The following SRP14 variants were observed in gnomAD, a reference collection of about 807,000 sequenced individuals.
SRP14 encodes signal recognition particle 14, also known as signal recognition particle 14 kDa protein.
A neutral mutation model predicts 16.0 loss-of-function variants in SRP14; 1 was observed. That is an observed-to-expected ratio of 0.06 (90% CI 0.02 to 0.30). The LOEUF (loss-of-function observed/expected upper bound fraction) is 0.30. Ranked by LOEUF, SRP14 falls within the 10% of genes least tolerant of loss-of-function variation. The pLI is 1.00. For missense variants in SRP14, 120 were observed against 163.1 expected (o/e 0.74, Z 1.44); for synonymous variants, 67 against 60.1 (o/e 1.12, Z -0.53).
intron 3 of SRP14, chr15:40,037,278 G>GAAAA: frequency 5.2e-6 from 1 of 193,364 alleles, no homozygotes; most frequent in Non-Finnish European, 6.7e-6. Context: ...CTCCTTTTGG[G>GAAAA]GAAAAAAAAA....
rs771442069 is a variant in SRP14, at chr15:40,039,131, C to A, written c.-15G>T. On this transcript the variant is annotated 5_prime_UTR_variant, in exon 1 of 5. Transcript: ENST00000267884. ...AACAACACCATCGCGGCGACGCTGGCTCGACTCCCTCCGCTTAAGCCCCTA... is the reference window on the plus strand; with the variant it reads ...AACAACACCATCGCGGCGACGCTGGATCGACTCCCTCCGCTTAAGCCCCTA... 17 of 1,608,890 alleles carry A rather than the reference C, an allele frequency of 1.1e-5. No individual in the cohort carries two copies. The highest frequency in any genetic ancestry group is 1.7e-5 in the Admixed American group (1 of 59,624).
Position 40,039,149 on chromosome 15 carries a change from AG to A in SRP14, c.-34del. 1 of 1,602,648 alleles carries A rather than the reference AG, an allele frequency of 6.2e-7. No individual in the cohort carries two copies. The highest frequency in any genetic ancestry group is 8.5e-7 in the Non-Finnish European group (1 of 1,176,394). The stretch of plus-strand genomic sequence containing the variant: ...ACGCTGGCTCGACTCCCTCCGCTTA[AG>A]CCCCTAGCAGTGAGAGCCGGAAGTT... On this transcript the variant is annotated 5_prime_UTR_variant, in exon 1 of 5. Coordinates refer to ENST00000267884, the MANE Select transcript of SRP14 (RefSeq NM_003134.6).
Position 40,036,205 on chromosome 15 carries a change from C to A in SRP14, c.*128G>T. The A allele has an allele frequency of 1.3e-5, 19 of 1,484,032 alleles. No homozygotes were observed. The highest frequency in any genetic ancestry group is 1.7e-5 in the Non-Finnish European group (19 of 1,096,780). The allele number at this position is 1,484,032 out of a possible 1,614,324, so 91.9% of individuals were successfully genotyped here. On this transcript the variant is annotated 3_prime_UTR_variant, in exon 5 of 5. Coordinates refer to ENST00000267884, the MANE Select transcript of SRP14 (RefSeq NM_003134.6). ...CTATCCTATAAACACTGCAACTATT[C>A]TTTCCAAAAGGACCCTAATCTTATG...
At chr15:40,037,459 T>A in intron 3 of SRP14, 2 of 759,304 alleles carry the variant, frequency 2.6e-6, no homozygotes, top group Non-Finnish European at 3.6e-6. Flanking sequence ...TGCCTTCCAT[T>A]AATTCAAGCA....
Position 40,036,359 on chromosome 15 carries a change from T to TTGC in SRP14, c.382_384dup (p.Ala128dup). ...TACTGTGCTGCTGTTGCTGCTGTTG[T>TTGC]TGCTGCTGTTGTTGGTGCTGTTGCT... On this transcript the variant is annotated inframe_insertion, in exon 5 of 5. Transcript: ENST00000267884. 1.2e-6 allele frequency: 2 copies of TTGC among 1,611,968 alleles called. No homozygotes were observed. The highest frequency in any genetic ancestry group is 2.2e-5 in the South Asian group (2 of 90,596).
At chr15:40,039,053 G>A (rs529707932) in intron 1 of SRP14, 40 bp downstream of exon 1, 2 of 1,607,860 alleles carry the variant, frequency 1.2e-6, no homozygotes, top group Admixed American at 1.7e-5. Flanking sequence ...AGTAACGCCT[G>A]AGCCGCCCCC....
chr15:40,038,080 C>A (rs1250602513), intron 3 of SRP14, among the ~76,000 whole-genome samples: 1 of 152,224 alleles, frequency 6.6e-6, no homozygotes, highest in Non-Finnish European at 1.5e-5. Flanking sequence ...AGAGCTTTAG[C>A]AGAACTAACG....
In SRP14 at chr15:40,039,023, T is replaced by G. The variant is rs2035677276; in HGVS notation, c.24+70A>C. On this transcript the variant is annotated intron_variant, in intron 1 of 4. Coordinates refer to ENST00000267884, the MANE Select transcript of SRP14 (RefSeq NM_003134.6). The stretch of plus-strand genomic sequence containing the variant: ...TGCCGCGTCAAGGCCCTGGTCCTCC[T>G]GCAGGAGGCACAGGTCTCGAGTAAC... 3 of 1,606,214 alleles carry G rather than the reference T, an allele frequency of 1.9e-6. No homozygotes were observed. In the East Asian group the frequency reaches 6.8e-5, roughly 36 times the overall value.
rs1295327989 is a variant in SRP14 at position 40,035,736 on chromosome 15, A to G, written c.*597T>C. 1 of 152,366 alleles carries G rather than the reference A, an allele frequency of 6.6e-6. No homozygotes were observed. Among genetic ancestry groups the G allele is most frequent in the Non-Finnish European group, 1.5e-5 (1 of 68,162 alleles). The allele number at this position is 152,366 out of a possible 1,614,324, so 9.4% of individuals were successfully genotyped here. ...AAAGGGCATAAAGAAACCAAAAATC[A>G]TAATTACTTTGGAACCTTTATTCTT... On this transcript the variant is annotated 3_prime_UTR_variant, in exon 5 of 5. Coordinates refer to ENST00000267884, the MANE Select transcript of SRP14 (RefSeq NM_003134.6).
At position 40,037,112 on chromosome 15, in the gene SRP14, A is replaced by G. The variant is rs947194194; in HGVS notation, c.211-94T>C. The G allele has an allele frequency of 4.9e-6, 7 of 1,419,158 alleles. No homozygotes were observed. The African/African-American group carries it at 8.7e-5, about 18-fold the overall frequency. The allele number at this position is 1,419,158 out of a possible 1,614,324, so 87.9% of individuals were successfully genotyped here. On this transcript the variant is annotated intron_variant, in intron 3 of 4. Coordinates refer to ENST00000267884, the MANE Select transcript of SRP14 (RefSeq NM_003134.6). Reference sequence around the variant, plus strand: ...GTATCTCAAAAGCCTCCGGAAGACAATATCCTTATCTTTAAAATACTTCTC... The same window carrying G: ...GTATCTCAAAAGCCTCCGGAAGACAGTATCCTTATCTTTAAAATACTTCTC...
chr15:40,038,937 C>T lies in SRP14; in HGVS notation c.36G>A (p.Glu12=). ...GGCACTTCTGGAAAAGTCTGGTCAG[C>T]TCCGTCAGGAACTGGAAAACAACAG... The part of the protein sequence containing the change: ...VLLESEQFLT[E]LTRLFQKCRT... The change falls in exon 2 of 5, where the codon GAG becomes GAA. Residue 12 remains glutamate (E), a synonymous_variant. Coordinates refer to ENST00000267884, the MANE Select transcript of SRP14 (RefSeq NM_003134.6). 6.2e-7 allele frequency: 1 copy of T among 1,612,848 alleles called. No individual in the cohort carries two copies. The highest frequency in any genetic ancestry group is 8.5e-7 in the Non-Finnish European group (1 of 1,179,496).
Position 40,036,162 on chromosome 15 carries a change from A to G in SRP14, c.*171T>C. On this transcript the variant is annotated 3_prime_UTR_variant, in exon 5 of 5. Coordinates refer to ENST00000267884, the MANE Select transcript of SRP14 (RefSeq NM_003134.6). ...GACCAATTAGCCAAATGCAAAATAAACTAGATTCTTACCACAACTATCCTA... is the reference window on the plus strand; with the variant it reads ...GACCAATTAGCCAAATGCAAAATAAGCTAGATTCTTACCACAACTATCCTA... 1 of 1,225,104 alleles carries G rather than the reference A, an allele frequency of 8.2e-7. No homozygotes were observed. The allele number at this position is 1,225,104 out of a possible 1,614,324, so 75.9% of individuals were successfully genotyped here. A position where few individuals can be genotyped will look rare whatever the true frequency, so the allele number is the denominator to read the frequency against.
In SRP14 at chr15:40,036,128, T is replaced by C. The variant is rs995011060; in HGVS notation, c.*205A>G. 1.2e-6 allele frequency: 1 copy of C among 805,698 alleles called. No individual in the cohort carries two copies. The highest frequency in any genetic ancestry group is 1.7e-5 in the African/African-American group (1 of 57,836). The allele number at this position is 805,698 out of a possible 1,614,324, so 49.9% of individuals were successfully genotyped here. On this transcript the variant is annotated 3_prime_UTR_variant, in exon 5 of 5. Coordinates refer to ENST00000267884, the MANE Select transcript of SRP14 (RefSeq NM_003134.6). Reference sequence around the variant, plus strand: ...TCTATAATCCAGGAGTATATAACCATGCAGCACAGACCAATTAGCCAAATG... The same window carrying C: ...TCTATAATCCAGGAGTATATAACCACGCAGCACAGACCAATTAGCCAAATG...
chr15:40,036,969 G>C lies in SRP14; in HGVS notation c.243+17C>G, dbSNP rs763024382. Reference sequence around the variant, plus strand: ...CTTGCCCTGAGAAGGGAAACATAAGGAACACCCAAAACTCACCATCTGAAA... The same window carrying C: ...CTTGCCCTGAGAAGGGAAACATAAGCAACACCCAAAACTCACCATCTGAAA... On this transcript the variant is annotated intron_variant, in intron 4 of 4. Transcript: ENST00000267884. The C allele has an allele frequency of 1.2e-6, 2 of 1,613,772 alleles. No individual in the cohort carries two copies. Among genetic ancestry groups the C allele is most frequent in the Non-Finnish European group, 1.7e-6 (2 of 1,179,902 alleles).
chr15:40,038,682 C>T, intron 2 of SRP14, 194 bp downstream of exon 2: 1 of 642,276 alleles, frequency 1.6e-6, no homozygotes, highest in East Asian at 2.7e-5. Flanking sequence ...TTACCAGAAG[C>T]AACCTAGGCG....
In SRP14 at chr15:40,039,140, C is replaced by T; in HGVS notation, c.-24G>A. On this transcript the variant is annotated 5_prime_UTR_variant, in exon 1 of 5. Coordinates refer to ENST00000267884, the MANE Select transcript of SRP14 (RefSeq NM_003134.6). ...ATCGCGGCGACGCTGGCTCGACTCC[C>T]TCCGCTTAAGCCCCTAGCAGTGAGA... 6.2e-7 allele frequency: 1 copy of T among 1,607,106 alleles called. No individual in the cohort carries two copies. Among genetic ancestry groups the T allele is most frequent in the Non-Finnish European group, 8.5e-7 (1 of 1,177,976 alleles).
intron 3 of SRP14, 68 bp from the exon 4 acceptor site, chr15:40,037,086 A>T (rs370283489): frequency 6.5e-7 from 1 of 1,547,484 alleles, no homozygotes; most frequent in Non-Finnish European, 8.8e-7. Flanking sequence ...CACCCCAGAT[A>T]GTATCTCAAA....
rs756975174 is a variant in SRP14 at position 40,037,023 on chromosome 15, AAAAG to A, written c.211-9_211-6del. The A allele has an allele frequency of 5.0e-6, 8 of 1,613,382 alleles. No homozygotes were observed. In the South Asian group the frequency reaches 7.7e-5, roughly 16 times the overall value. On this transcript the variant is annotated splice_region_variant and splice_polypyrimidine_tract_variant and intron_variant, in intron 3 of 4. Transcript: ENST00000267884. ...ATTCACTTCCTTGGAGCTCACCTGA[AAAAG>A]AAGGAAAAAAGAGGTCATACCTATT...
chr15:40,036,048 C>A lies in SRP14; in HGVS notation c.*285G>T. 2.2e-6 allele frequency: 1 copy of A among 454,704 alleles called. No individual in the cohort carries two copies. The allele number at this position is 454,704 out of a possible 1,614,324, so 28.2% of individuals were successfully genotyped here. A position where few individuals can be genotyped will look rare whatever the true frequency, so the allele number is the denominator to read the frequency against. ...GGAATAAAGAGACAGTGCTGATAAACAGACATGTTTAATGATAGCTTGCTC... is the reference window on the plus strand; with the variant it reads ...GGAATAAAGAGACAGTGCTGATAAAAAGACATGTTTAATGATAGCTTGCTC... On this transcript the variant is annotated 3_prime_UTR_variant, in exon 5 of 5. Transcript: ENST00000267884.
Sources: allele counts gnomAD v4.1 joint callset (sites outside exome capture counted in the v4.1 genomes callset), GRCh38; gene constraint gnomAD v4.1.1; transcripts MANE v1.5; gene names NCBI Gene and HGNC (gene_info 2026-07-23, HGNC 2026-07-21).